Variants in TRERF1 observed in about 807,000 individuals in gnomAD.
The protein encoded by TRERF1 is transcriptional regulating factor 1.
Under a neutral mutation model 122.9 loss-of-function variants are expected in TRERF1, and 27 were observed. The observed-to-expected ratio is 0.22, with a 90% CI of 0.16 to 0.30. TRERF1 has a LOEUF of 0.30. Among genes scored for constraint, TRERF1 ranks in the 10% least tolerant of loss-of-function variants. The probability of loss-of-function intolerance (pLI) is 1.00; values close to 1 mark genes in which losing one functional copy is unlikely to be tolerated. For missense variants in TRERF1, 1,248 were observed against 1,560.3 expected, an observed-to-expected ratio of 0.80 and a Z score of 3.37; for synonymous variants, 636 against 641.7, an observed-to-expected ratio of 0.99 and a Z score of 0.13.
intron 2 of TRERF1, among the ~76,000 whole-genome samples, chr6:42,421,442 A>G (rs1460297111): frequency 2.0e-5 from 3 of 151,874 alleles, no homozygotes; most frequent in Non-Finnish European, 2.9e-5. Context: ...TTTTTTCCCT[A>G]CTTTCCTCTT....
At position 42,282,889 on chromosome 6, in the gene TRERF1, G is replaced by A. The variant is rs374953291; in HGVS notation, c.-258-13041C>T. Among the ~76,000 whole-genome samples, 5 of 152,256 alleles carry A rather than the reference G, an allele frequency of 3.3e-5. No individual in the cohort carries two copies. In the East Asian group the frequency reaches 9.7e-4, roughly 29 times the overall value. The stretch of plus-strand genomic sequence containing the variant: ...TTGCAACATTTTTGTCAACTGATCA[G>A]TATATAACCTTGTTTTATATGTGTC... On this transcript the variant is annotated intron_variant, in intron 4 of 17. Transcript: ENST00000372922.
chr6:42,276,644 G>A lies in TRERF1; in HGVS notation c.-258-6796C>T, dbSNP rs1324363908. On this transcript the variant is annotated intron_variant, in intron 4 of 17. Coordinates refer to ENST00000372922, the Ensembl canonical transcript of TRERF1. The surrounding 1 kb of genome is among the most constrained non-coding windows in gnomAD (Gnocchi z 4.3). ...ATTAGTCTTCTAAATAATTCCAGTG[G>A]GTATTTTATAATCCAGTAACCCGAT... Among the ~76,000 whole-genome samples, 1 of 152,124 alleles carries A rather than the reference G, an allele frequency of 6.6e-6. No homozygotes were observed. The highest frequency in any genetic ancestry group is 2.1e-4 in the South Asian group (1 of 4,824).
chr6:42,350,680 G>A (rs1310565922), intron 3 of TRERF1, among the ~76,000 whole-genome samples: 1 of 152,100 alleles, frequency 6.6e-6, no homozygotes, highest in Non-Finnish European at 1.5e-5. Context: ...CCTATGACAG[G>A]TCAGGAAAAA....
intron 2 of TRERF1, among the ~76,000 whole-genome samples, chr6:42,387,510 G>T (rs1269470802): frequency 6.6e-6 from 1 of 152,164 alleles, no homozygotes; most frequent in Admixed American, 6.5e-5. Flanking sequence ...TCTGGCACAA[G>T]AACATCTTTC....
At chr6:42,431,750 A>C (rs1331963825) in intron 2 of TRERF1, among the ~76,000 whole-genome samples, 1 of 151,638 alleles carries the variant, frequency 6.6e-6, no homozygotes. Context: ...AATAGATACA[A>C]TATAAGCCAC....
At chr6:42,423,281 A>G (rs1403647666) in intron 2 of TRERF1, among the ~76,000 whole-genome samples, 2 of 152,264 alleles carry the variant, frequency 1.3e-5, no homozygotes, top group Non-Finnish European at 2.9e-5. Flanking sequence ...CCTTCCACAA[A>G]TTAGGATGCC....
chr6:42,259,052 C>G lies in TRERF1; in HGVS notation c.2269+287G>C, dbSNP rs946352696. On this transcript the variant is annotated intron_variant, in intron 9 of 17. Coordinates refer to ENST00000372922, the Ensembl canonical transcript of TRERF1. This position sits in a 1 kb window ranked among gnomAD's most constrained non-coding sequence, Gnocchi z 4.9. ...GCCCGGTCTCATTTTTTCTCTCTTG[C>G]ACGATCATTGCTGGCAGCCTTAAAA... 2.6e-5 allele frequency among the ~76,000 whole-genome samples: 4 copies of G among 152,046 alleles called. No homozygotes were observed. The highest frequency in any genetic ancestry group is 2.6e-4 in the Admixed American group (4 of 15,258).
rs3074800 is a variant in TRERF1 at position 42,288,953 on chromosome 6, CTGTGTGTGTG to C, written c.-259+11675_-259+11684del. Among the ~76,000 whole-genome samples, 529 of 144,408 alleles carry C rather than the reference CTGTGTGTGTG, an allele frequency of 3.7e-3. 4 individuals are homozygous for C. Among genetic ancestry groups the C allele is most frequent in the African/African-American group, 0.012 (455 of 38,766 alleles). The allele number at this position is 144,408 out of a possible 152,430, so 94.7% of individuals were successfully genotyped here. Reference sequence around the variant, plus strand: ...GGAAACCATTAAAGTATCTTGAACTCTGTGTGTGTGTGTGTGTGTGTGTGTGTGTGTGTGT... The same window carrying C: ...GGAAACCATTAAAGTATCTTGAACTCTGTGTGTGTGTGTGTGTGTGTGTGT... On this transcript the variant is annotated intron_variant, in intron 4 of 17. Coordinates refer to ENST00000372922, the Ensembl canonical transcript of TRERF1.
At chr6:42,306,854 G>A (rs1465363404) in intron 3 of TRERF1, among the ~76,000 whole-genome samples, 1 of 152,176 alleles carries the variant, frequency 6.6e-6, no homozygotes, top group Non-Finnish European at 1.5e-5. Flanking sequence ...CAGACTGTAA[G>A]CTCTATCAGG....
At chr6:42,412,015 T>TC (rs1781170328) in intron 2 of TRERF1, among the ~76,000 whole-genome samples, 1 of 151,272 alleles carries the variant, frequency 6.6e-6, no homozygotes, top group Non-Finnish European at 1.5e-5. Context: ...TTTTTTTTTT[T>TC]TTGAGACGGA....
chr6:42,262,764 A>C (rs1778448900), intron 8 of TRERF1, among the ~76,000 whole-genome samples: 2 of 152,318 alleles, frequency 1.3e-5, no homozygotes, highest in Admixed American at 6.5e-5. Context: ...TTAACGAATT[A>C]GGTTCTCCAG....
chr6:42,441,906 T>A (rs1026199536), intron 2 of TRERF1, among the ~76,000 whole-genome samples: 1 of 152,046 alleles, frequency 6.6e-6, no homozygotes, highest in Non-Finnish European at 1.5e-5. Flanking sequence ...GCCCACCCAC[T>A]GCCCTGGCCA....
At chr6:42,235,069 G>GT (rs1771783139) in intron 16 of TRERF1, among the ~76,000 whole-genome samples, 1 of 151,724 alleles carries the variant, frequency 6.6e-6, no homozygotes, top group Non-Finnish European at 1.5e-5. Context: ...AATGCAAAAT[G>GT]TATGTATCTT....
intron 3 of TRERF1, among the ~76,000 whole-genome samples, chr6:42,325,174 T>C (rs910364147): frequency 7.9e-5 from 12 of 152,176 alleles, no homozygotes; most frequent in Admixed American, 7.9e-4. Flanking sequence ...TCGCTAATCA[T>C]CACAGAAATG....
chr6:42,304,856 A>G (rs931941982), intron 3 of TRERF1, among the ~76,000 whole-genome samples: 5 of 152,228 alleles, frequency 3.3e-5, no homozygotes, highest in African/African-American at 4.8e-5. Flanking sequence ...CAGGGTGCTT[A>G]CAGATAGCTC....
At chr6:42,333,012 C>A (rs1765502969) in intron 3 of TRERF1, among the ~76,000 whole-genome samples, 1 of 152,164 alleles carries the variant, frequency 6.6e-6, no homozygotes, top group Non-Finnish European at 1.5e-5. Flanking sequence ...AAGAACCAAT[C>A]TTTACCCGTA....
intron 4 of TRERF1, among the ~76,000 whole-genome samples, chr6:42,296,947 G>A (rs978839210): frequency 2.0e-5 from 3 of 152,164 alleles, no homozygotes; most frequent in African/African-American, 7.2e-5. Context: ...ATAAACAATA[G>A]ATTCATAAAC....
chr6:42,360,766 G>C (rs1771554722), intron 3 of TRERF1, among the ~76,000 whole-genome samples: 1 of 82,442 alleles, frequency 1.2e-5, no homozygotes, highest in African/African-American at 6.4e-5. Flanking sequence ...AAGGAGTGGA[G>C]AGATTAAAAA....
intron 3 of TRERF1, among the ~76,000 whole-genome samples, chr6:42,311,273 G>A (rs1478274647): frequency 2.6e-5 from 4 of 152,098 alleles, no homozygotes; most frequent in East Asian, 1.9e-4. Flanking sequence ...CATGGGTGGC[G>A]CCTATTCATG....
Sources: gnomAD v4.1 joint callset for allele counts (sites outside exome capture counted in the v4.1 genomes callset) on GRCh38, gnomAD v4.1.1 for gene constraint, Gnocchi (gnomAD v3.1) non-coding constraint, MANE v1.5 for transcripts, NCBI Gene and HGNC (gene_info 2026-07-23, HGNC 2026-07-21) for gene names.